Variants in NRXN2 observed in about 807,000 individuals in gnomAD.
The protein encoded by NRXN2 is neurexin-2-beta.
Under a neutral mutation model 128.8 loss-of-function variants are expected in NRXN2, and 29 were observed. The ratio of observed to expected loss-of-function variants is 0.23; its 90% CI spans 0.17 to 0.31. The LOEUF is 0.31. Ranked by LOEUF, NRXN2 falls within the 10% of genes least tolerant of loss-of-function variation. The probability of loss-of-function intolerance (pLI) is 1.00; values close to 1 mark genes in which losing one functional copy is unlikely to be tolerated. For synonymous variants in NRXN2, 1,098 were observed against 1,075.2 expected, an observed-to-expected ratio of 1.02 and a Z score of -0.41; for missense variants, 1,881 against 2,452.6, an observed-to-expected ratio of 0.77 and a Z score of 4.92.
Position 64,660,930 on chromosome 11 carries a change from G to T in NRXN2, c.2008C>A (p.Leu670Ile), listed in dbSNP as rs576418675. 2 of 1,613,778 alleles carry T rather than the reference G, an allele frequency of 1.2e-6. 1 individual carries two copies. The highest frequency in any genetic ancestry group is 2.2e-5 in the South Asian group (2 of 91,070). ...DLFIDGRSRD[L>I]RGLAEAQGAV... ...CCCTGAGCCTCAGCCAGGCCCCGGAGGTCTCGGCTACGCCCATCTATGAAG... is the reference window on the plus strand; with the variant it reads ...CCCTGAGCCTCAGCCAGGCCCCGGATGTCTCGGCTACGCCCATCTATGAAG... Residue 670 changes from leucine to isoleucine, a missense_variant, in exon 10 of 23, where the codon CTC becomes ATC. Physicochemically the swap from Leu to Ile is conservative, Grantham distance 5. Around this residue, in one of 7 missense-constraint regions of NRXN2, gnomAD observed 997 missense variants for 1,240.8 expected, o/e 0.80. Transcript: ENST00000265459. This position sits in a 1 kb window ranked among gnomAD's most constrained non-coding sequence, Gnocchi z 5.2.
chr11:64,607,078 A>G lies in NRXN2; in HGVS notation c.*118T>C. The G allele has an allele frequency of 8.9e-7, 1 of 1,117,566 alleles. No homozygotes were observed. The highest frequency in any genetic ancestry group is 1.3e-6 in the Non-Finnish European group (1 of 792,704). 69.2% of individuals were successfully genotyped at this position (1,117,566 alleles called of 1,614,324 possible). ...TCTTTTTTTGCGTTTCCTCTTCGTA[A>G]GAGAAGCCTGAGGCAGCCAGGGAGA... On this transcript the variant is annotated 3_prime_UTR_variant, in exon 23 of 23. Transcript: ENST00000265459.
Position 64,606,816 on chromosome 11 carries a change from A to G in NRXN2, c.*380T>C, listed in dbSNP as rs1452297938. 4.7e-6 allele frequency: 1 copy of G among 213,378 alleles called. No individual in the cohort carries two copies. The highest frequency in any genetic ancestry group is 1.0e-4 in the East Asian group (1 of 9,882). The allele number at this position is 213,378 out of a possible 1,614,324, so 13.2% of individuals were successfully genotyped here. ...CAGGAGGGACAGAAGGAAGAAGAAGAAAAATTGAGGAAAATTAACAGGACG... is the reference window on the plus strand; with the variant it reads ...CAGGAGGGACAGAAGGAAGAAGAAGGAAAATTGAGGAAAATTAACAGGACG... On this transcript the variant is annotated 3_prime_UTR_variant, in exon 23 of 23. Coordinates refer to ENST00000265459, the MANE Select transcript of NRXN2 (RefSeq NM_015080.4).
chr11:64,607,632 C>T lies in NRXN2; in HGVS notation c.4703G>A (p.Arg1568Gln), dbSNP rs2039850301. 3.3e-6 allele frequency: 5 copies of T among 1,531,800 alleles called. 1 individual carries two copies. The Admixed American group carries it at 6.0e-5, about 18-fold the overall frequency. The allele number at this position is 1,531,800 out of a possible 1,614,324, so 94.9% of individuals were successfully genotyped here. A position where few individuals can be genotyped will look rare whatever the true frequency, so the allele number is the denominator to read the frequency against. Reference sequence around the variant, plus strand: ...CTCCAGCAAGGGCTGAAGCGGGTCTCGGTGGTTCATTTTGCCCGCCGGCAG... The same window carrying T: ...CTCCAGCAAGGGCTGAAGCGGGTCTTGGTGGTTCATTTTGCCCGCCGGCAG... ...PNLPAGKMNH[R>Q]DPLQPLLENP... is the part of the protein sequence containing the mutation. Residue 1568 changes from arginine to glutamine, a missense_variant, in exon 23 of 23, where the codon CGA becomes CAA. Transcript: ENST00000265459.
intron 11 of NRXN2, among the ~76,000 whole-genome samples, chr11:64,654,757 G>A (rs2048007048): frequency 6.6e-6 from 1 of 152,200 alleles, no homozygotes; most frequent in Admixed American, 6.5e-5. Context: ...CAAACGCCAA[G>A]CCTGACGCAG....
In NRXN2 at chr11:64,713,079, C is replaced by T; in HGVS notation, c.621G>A (p.Ala207=). The T allele has an allele frequency of 7.7e-7, 1 of 1,299,214 alleles. No individual in the cohort carries two copies. Among genetic ancestry groups the T allele is most frequent in the Non-Finnish European group, 9.7e-7 (1 of 1,033,068 alleles). The allele number at this position is 1,299,214 out of a possible 1,614,324, so 80.5% of individuals were successfully genotyped here. A position where few individuals can be genotyped will look rare whatever the true frequency, so the allele number is the denominator to read the frequency against. ...CGTTGGCGCAGGGGTTGCGCGCGGG[C>T]GCGCACAGCGGGTCGGCGGTGGCGC... The part of the protein sequence containing the change: ...LRGATADPLC[A]PARNPCANGG... The change falls in exon 2 of 23, where the codon GCG becomes GCA. Residue 207 remains alanine, a synonymous_variant. Coordinates refer to ENST00000265459, the MANE Select transcript of NRXN2 (RefSeq NM_015080.4).
chr11:64,712,854 A>T, intron 2 of NRXN2, 116 bp downstream of exon 2: 1 of 971,506 alleles, frequency 1.0e-6, no homozygotes. Flanking sequence ...CCCACTCACA[A>T]GCCCTCGTGC....
chr11:64,674,492 G>A (rs2051051220), intron 7 of NRXN2, among the ~76,000 whole-genome samples: 1 of 152,120 alleles, frequency 6.6e-6, no homozygotes, highest in South Asian at 2.1e-4. Flanking sequence ...CAGGTTGTTT[G>A]CTTCTTAACC....
rs968504498 is a variant in NRXN2 at position 64,610,807 on chromosome 11, C to T, written c.4253-2725G>A. On this transcript the variant is annotated intron_variant, in intron 22 of 22. Coordinates refer to ENST00000265459, the MANE Select transcript of NRXN2 (RefSeq NM_015080.4). ...GAGGGTTGGCAGCCTCTCGAGCGGT[C>T]GTAACCTGGGCCCAATCATGGCAGG... Among the ~76,000 whole-genome samples the T allele has an allele frequency of 4.6e-5, 7 of 152,318 alleles. No homozygotes were observed. The South Asian group carries it at 1.2e-3, about 27-fold the overall frequency.
At chr11:64,608,145 G>A (rs2040004154) in intron 22 of NRXN2, 63 bp from the exon 23 acceptor site, 3 of 1,250,650 alleles carry the variant, frequency 2.4e-6, no homozygotes, top group Non-Finnish European at 2.3e-6. Flanking sequence ...CAGGCGGCCG[G>A]CACAGAGAGA....
intron 2 of NRXN2, among the ~76,000 whole-genome samples, chr11:64,701,959 G>C (rs1247694625): frequency 7.0e-6 from 1 of 143,446 alleles, no homozygotes; most frequent in African/African-American, 2.6e-5. Context: ...AGGTGGGGGG[G>C]TCAGCCCCCC....
At chr11:64,691,014 G>A (rs1319282927) in intron 4 of NRXN2, among the ~76,000 whole-genome samples, 1 of 152,174 alleles carries the variant, frequency 6.6e-6, no homozygotes, top group Non-Finnish European at 1.5e-5. Flanking sequence ...CTCCTCTTCT[G>A]TTCTTTCCTG....
chr11:64,696,455 A>T (rs2054537605), intron 3 of NRXN2, among the ~76,000 whole-genome samples: 2 of 152,024 alleles, frequency 1.3e-5, no homozygotes, highest in Admixed American at 1.3e-4. Flanking sequence ...TCAGGCGTGC[A>T]CACAGACACA....
chr11:64,661,419 A>C, intron 9 of NRXN2: 1 of 1,354,144 alleles, frequency 7.4e-7, no homozygotes, highest in Non-Finnish European at 9.5e-7. Flanking sequence ...CCACCTCAGC[A>C]AGTCCTCAGA....
intron 2 of NRXN2, among the ~76,000 whole-genome samples, chr11:64,712,456 G>A (rs1156240624): frequency 7.1e-6 from 1 of 140,654 alleles, no homozygotes; most frequent in Non-Finnish European, 1.5e-5. Flanking sequence ...TGTCTCATAA[G>A]CCCCACCCAC....
chr11:64,665,310 C>G (rs1331333280), intron 9 of NRXN2, among the ~76,000 whole-genome samples: 2 of 151,982 alleles, frequency 1.3e-5, no homozygotes, highest in Non-Finnish European at 2.9e-5. Context: ...AGAAATGGGC[C>G]GTCAGAAATG....
Position 64,648,868 on chromosome 11 carries a change from C to T in NRXN2, c.3149G>A (p.Ser1050Asn). ...GGAGGCCACCAGCTTGGGCAGGTTGCTGAACATATTCTTGCTCAGACCGCC... is the reference window on the plus strand; with the variant it reads ...GGAGGCCACCAGCTTGGGCAGGTTGTTGAACATATTCTTGCTCAGACCGCC... ...YIGGLSKNMFSNLPKLVASRD... is the reference protein window; with the variant it reads ...YIGGLSKNMFNNLPKLVASRD... The change falls in exon 16 of 23, where the codon AGC (serine) becomes AAC (asparagine). Residue 1050 changes from serine to asparagine, a missense_variant. Transcript: ENST00000265459. The surrounding 1 kb of genome is among the most constrained non-coding windows in gnomAD (Gnocchi z 4.1). 2 of 1,614,188 alleles carry T rather than the reference C, an allele frequency of 1.2e-6. No homozygotes were observed. Among genetic ancestry groups the T allele is most frequent in the Non-Finnish European group, 1.7e-6 (2 of 1,180,016 alleles).
At chr11:64,628,643 T>C (rs1466254013) in intron 19 of NRXN2, among the ~76,000 whole-genome samples, 3 of 152,226 alleles carry the variant, frequency 2.0e-5, no homozygotes, top group East Asian at 3.8e-4. Context: ...GAGGCCTTCA[T>C]GCTTCCAAGC....
At chr11:64,643,447 G>A (rs2046095055) in intron 17 of NRXN2, 1 of 189,888 alleles carries the variant, frequency 5.3e-6, no homozygotes, top group African/African-American at 2.4e-5. Context: ...AGGAGAGGAG[G>A]GGAGCGGGGC....
Position 64,718,841 on chromosome 11 carries a change from G to C in NRXN2, c.-245+4130C>G, listed in dbSNP as rs59651891. Among the ~76,000 whole-genome samples, 454 of 152,206 alleles carry C rather than the reference G, an allele frequency of 3.0e-3. 1 individual carries two copies. The highest frequency in any genetic ancestry group is 0.011 in the African/African-American group (442 of 41,506). On this transcript the variant is annotated intron_variant, in intron 1 of 22. Transcript: ENST00000265459. ...GCCGTGATGATCTGGCAGAAAAAAG[G>C]GAAGACCCCATGCCTTTCCACACCC...
Sources: gnomAD v4.1 joint callset for allele counts (sites outside exome capture counted in the v4.1 genomes callset) on GRCh38, gnomAD v4.1.1 for gene constraint, gnomAD v4.1.1 regional missense constraint, Gnocchi (gnomAD v3.1) non-coding constraint, MANE v1.5 for transcripts, NCBI Gene and HGNC (gene_info 2026-07-23, HGNC 2026-07-21) for gene names.